Variants in KCNB2 observed in about 807,000 individuals in gnomAD.
KCNB2 encodes the protein potassium voltage-gated channel subfamily B member 2, also known as delayed rectifier potassium channel protein.
Under a neutral mutation model 61.5 loss-of-function variants are expected in KCNB2, and 15 were observed. The observed-to-expected ratio is 0.24, with a 90% CI of 0.16 to 0.38. The LOEUF (loss-of-function observed/expected upper bound fraction) is 0.38. KCNB2 is among the 10% of genes least tolerant of loss of function. The probability of loss-of-function intolerance (pLI) is 1.00; values close to 1 mark genes in which losing one functional copy is unlikely to be tolerated. For synonymous variants in KCNB2, 457 were observed against 446.0 expected, an observed-to-expected ratio of 1.02 and a Z score of -0.31; for missense variants, 828 against 1,125.2, an observed-to-expected ratio of 0.74 and a Z score of 3.78.
At position 72,812,327 on chromosome 8, in the gene KCNB2, T is replaced by C. The variant is rs558053957; in HGVS notation, c.580-123608T>C. Among the ~76,000 whole-genome samples, 9 of 152,140 alleles carry C rather than the reference T, an allele frequency of 5.9e-5. No homozygotes were observed. The South Asian group carries it at 1.9e-3, about 31-fold the overall frequency. ...AGGACACTTTGGGTATTCTTTCTTA[T>C]CTAAAAATAGTACCAGATTTACTTT... On this transcript the variant is annotated intron_variant, in intron 2 of 2. Coordinates refer to ENST00000523207, the MANE Select transcript of KCNB2 (RefSeq NM_004770.3).
intron 2 of KCNB2, among the ~76,000 whole-genome samples, chr8:72,830,928 C>T (rs574189772): frequency 6.6e-6 from 1 of 152,184 alleles, no homozygotes; most frequent in Non-Finnish European, 1.5e-5. Flanking sequence ...CACAAAAAAT[C>T]CCAGGTTTAC....
At position 72,637,780 on chromosome 8, in the gene KCNB2, G is replaced by A. The variant is rs147734902; in HGVS notation, c.579+69467G>A. Among the ~76,000 whole-genome samples the A allele has an allele frequency of 3.9e-5, 6 of 152,230 alleles. No homozygotes were observed. In the East Asian group the frequency reaches 9.6e-4, roughly 24 times the overall value. On this transcript the variant is annotated intron_variant, in intron 2 of 2. Coordinates refer to ENST00000523207, the MANE Select transcript of KCNB2 (RefSeq NM_004770.3). ...TGTTCAACTACAGCTCACTAAAGAC[G>A]TGCCATCAAGGGATTGCACAACCTC...
Position 72,937,969 on chromosome 8 carries a change from A to T in KCNB2, c.2614A>T (p.Ser872Cys). The T allele has an allele frequency of 6.2e-7, 1 of 1,614,150 alleles. No individual in the cohort carries two copies. Among genetic ancestry groups the T allele is most frequent in the South Asian group, 1.1e-5 (1 of 91,084 alleles). Residue 872 changes from serine (S) to cysteine (C), a missense_variant, in exon 3 of 3, where the codon AGT (serine) becomes TGT (cysteine). Physicochemically the swap from Ser to Cys is moderately radical, Grantham distance 112. Around this residue, in one of 4 missense-constraint regions of KCNB2, gnomAD observed 559 missense variants for 588.4 expected, o/e 0.95. Coordinates refer to ENST00000523207, the MANE Select transcript of KCNB2 (RefSeq NM_004770.3). ...TAGGCAAGACATTTACCATGCTGTG[A>T]GTGAAGTCAAAAAGGACAGTAGTCA... Reference protein sequence around the residue: ...NCRQDIYHAVSEVKKDSSQEG... With the variant: ...NCRQDIYHAVCEVKKDSSQEG...
intron 2 of KCNB2, among the ~76,000 whole-genome samples, chr8:72,636,788 T>C (rs1451552691): frequency 6.6e-6 from 1 of 152,096 alleles, no homozygotes; most frequent in Non-Finnish European, 1.5e-5. Context: ...AAATTATAGA[T>C]CAGATCTTAG....
chr8:72,820,620 A>G (rs1259761933), intron 2 of KCNB2, among the ~76,000 whole-genome samples: 6 of 151,076 alleles, frequency 4.0e-5, no homozygotes, highest in African/African-American at 1.2e-4. Flanking sequence ...TAAATTTTTC[A>G]TTTTCTTACT....
At chr8:72,592,476 T>TGTGA (rs998655108) in intron 2 of KCNB2, among the ~76,000 whole-genome samples, 11 of 152,142 alleles carry the variant, frequency 7.2e-5, no homozygotes, top group Middle Eastern at 3.4e-3. Flanking sequence ...TGTGTGTGTG[T>TGTGA]GTAAATGGTT....
At chr8:72,846,372 T>C (rs1209389426) in intron 2 of KCNB2, among the ~76,000 whole-genome samples, 3 of 152,016 alleles carry the variant, frequency 2.0e-5, no homozygotes, top group Non-Finnish European at 4.4e-5. Context: ...ATGACTAAAA[T>C]ACCGAAAGCA....
At chr8:72,612,043 A>G (rs987076739) in intron 2 of KCNB2, among the ~76,000 whole-genome samples, 8 of 152,190 alleles carry the variant, frequency 5.3e-5, no homozygotes, top group African/African-American at 1.4e-4. Context: ...GAAATAGTAT[A>G]TAGAAACCTA....
At chr8:72,884,845 T>C (rs1003137908) in intron 2 of KCNB2, among the ~76,000 whole-genome samples, 4 of 152,216 alleles carry the variant, frequency 2.6e-5, no homozygotes, top group Admixed American at 2.0e-4. Flanking sequence ...AGTCCCACTA[T>C]CTTTTGTATT....
chr8:72,585,733 A>T (rs1199005868), intron 2 of KCNB2, among the ~76,000 whole-genome samples: 3 of 152,250 alleles, frequency 2.0e-5, no homozygotes, highest in Admixed American at 2.0e-4. Flanking sequence ...AAGATTTTTC[A>T]TATGAGTGAT....
intron 2 of KCNB2, among the ~76,000 whole-genome samples, chr8:72,616,773 G>T (rs575150320): frequency 4.6e-5 from 7 of 152,160 alleles, no homozygotes; most frequent in Middle Eastern, 3.2e-3. Context: ...GGACCTGAAG[G>T]TATACCTGGA....
intron 2 of KCNB2, among the ~76,000 whole-genome samples, chr8:72,675,158 G>T (rs1269738610): frequency 6.6e-6 from 1 of 151,638 alleles, no homozygotes; most frequent in Non-Finnish European, 1.5e-5. Context: ...ACAAAGCAAG[G>T]TAGTATATCT....
chr8:72,564,292 C>T (rs1806588743), intron 1 of KCNB2, among the ~76,000 whole-genome samples: 1 of 152,158 alleles, frequency 6.6e-6, no homozygotes, highest in Non-Finnish European at 1.5e-5. Flanking sequence ...TTGCCACAAA[C>T]AAATGAGATA....
intron 1 of KCNB2, among the ~76,000 whole-genome samples, chr8:72,546,229 A>T (rs1228945975): frequency 1.3e-5 from 2 of 152,162 alleles, no homozygotes; most frequent in East Asian, 3.9e-4. Flanking sequence ...CAAAAGTGCA[A>T]GGTGGGCCGG....
At chr8:72,838,282 A>C (rs148622823) in intron 2 of KCNB2, among the ~76,000 whole-genome samples, 1,714 of 152,224 alleles carry the variant, frequency 0.011, 38 homozygotes, top group African/African-American at 0.039. Context: ...ACCAGCCGAC[A>C]GGCCCTGGTA....
intron 2 of KCNB2, among the ~76,000 whole-genome samples, chr8:72,788,701 A>T (rs183154636): frequency 6.6e-5 from 10 of 152,156 alleles, no homozygotes; most frequent in African/African-American, 2.2e-4. Flanking sequence ...ATTGAAGAGA[A>T]TTAGAGAACC....
At chr8:72,700,787 A>T (rs1364041165) in intron 2 of KCNB2, among the ~76,000 whole-genome samples, 2 of 152,194 alleles carry the variant, frequency 1.3e-5, no homozygotes, top group African/African-American at 4.8e-5. Context: ...ATGTACTCAC[A>T]CATTCATTGT....
chr8:72,688,292 T>C (rs1251128493), intron 2 of KCNB2, among the ~76,000 whole-genome samples: 2 of 152,164 alleles, frequency 1.3e-5, no homozygotes, highest in African/African-American at 2.4e-5. Context: ...GATTTCTTAT[T>C]GTTCTCTGAG....
chr8:72,586,922 A>G (rs560381921), intron 2 of KCNB2, among the ~76,000 whole-genome samples: 3 of 152,334 alleles, frequency 2.0e-5, no homozygotes, highest in Admixed American at 2.0e-4. Context: ...TACAGAATGA[A>G]TAACATATGA....
Sources: allele counts gnomAD v4.1 joint callset (sites outside exome capture counted in the v4.1 genomes callset), GRCh38; gene constraint gnomAD v4.1.1; regional missense constraint gnomAD v4.1.1; transcripts MANE v1.5; gene names NCBI Gene and HGNC (gene_info 2026-07-23, HGNC 2026-07-21).